Variants in SMC1B observed in about 807,000 individuals in gnomAD.
The protein encoded by SMC1B is structural maintenance of chromosomes 1B.
A neutral mutation model predicts 157.9 loss-of-function variants in SMC1B; 60 were observed. That is an observed-to-expected ratio of 0.38 (90% CI 0.31 to 0.47). SMC1B has a LOEUF of 0.47. SMC1B is among the 20% of genes least tolerant of loss of function. The pLI is 0.99. For synonymous variants in SMC1B, 445 were observed against 483.0 expected, an observed-to-expected ratio of 0.92 and a Z score of 1.03; for missense variants, 1,165 against 1,426.2, an observed-to-expected ratio of 0.82 and a Z score of 2.95.
In SMC1B at chr22:45,402,454, C is replaced by T. The variant is rs1277492928; in HGVS notation, c.733G>A (p.Val245Met). Residue 245 changes from valine (V) to methionine (M), a missense_variant, in exon 5 of 25, where the codon GTG (valine) becomes ATG (methionine). Coordinates refer to ENST00000357450, the MANE Select transcript of SMC1B (RefSeq NM_148674.5). ...CTTTTGACACTCAAATCCCTATTCA[C>T]ATGCTCTAACTTGGTGTTCAGGAGA... is the stretch of plus-strand genomic sequence containing the variant. ...IHLLNTKLEHVNRDLSVKRES... is the reference protein window; with the variant it reads ...IHLLNTKLEHMNRDLSVKRES... 6.2e-7 allele frequency: 1 copy of T among 1,613,948 alleles called. No individual in the cohort carries two copies. The highest frequency in any genetic ancestry group is 1.7e-5 in the Admixed American group (1 of 60,022).
In SMC1B at chr22:45,388,737, G is replaced by T. The variant is rs1291304346; in HGVS notation, c.1731+975C>A. Among the ~76,000 whole-genome samples, 6 of 152,166 alleles carry T rather than the reference G, an allele frequency of 3.9e-5. No individual in the cohort carries two copies. In the East Asian group the frequency reaches 1.2e-3, roughly 29 times the overall value. ...CACGCCTGTAATCCCAGCACTTTGG[G>T]AGACCGAGGCAGGCGGATCACCTGA... On this transcript the variant is annotated intron_variant, in intron 10 of 24. Coordinates refer to ENST00000357450, the MANE Select transcript of SMC1B (RefSeq NM_148674.5).
intron 2 of SMC1B, among the ~76,000 whole-genome samples, chr22:45,407,550 C>T (rs1157222115): frequency 6.6e-6 from 1 of 151,944 alleles, no homozygotes; most frequent in African/African-American, 2.4e-5. Context: ...TATCCTAGAC[C>T]TCCCGGACTC....
At chr22:45,369,000 T>G (rs980604961) in intron 15 of SMC1B, among the ~76,000 whole-genome samples, 1 of 152,244 alleles carries the variant, frequency 6.6e-6, no homozygotes, top group Non-Finnish European at 1.5e-5. Context: ...TAGATTTTTC[T>G]ATCTTGAGAT....
chr22:45,374,392 T>A (rs1013705666), intron 12 of SMC1B, among the ~76,000 whole-genome samples: 1 of 152,164 alleles, frequency 6.6e-6, no homozygotes, highest in African/African-American at 2.4e-5. Flanking sequence ...TCTTGCAACA[T>A]GTGTACAAAT....
chr22:45,380,153 T>G (rs1259074068), intron 12 of SMC1B, among the ~76,000 whole-genome samples: 1 of 152,208 alleles, frequency 6.6e-6, no homozygotes, highest in African/African-American at 2.4e-5. Flanking sequence ...GTCCTCTTCC[T>G]TTTAGCTATT....
intron 1 of SMC1B, 94 bp downstream of exon 1, chr22:45,413,365 C>A: frequency 1.0e-6 from 1 of 985,990 alleles, no homozygotes; most frequent in Non-Finnish European, 1.5e-6. Flanking sequence ...CGGCCAGGCG[C>A]CCGCGGCAGA....
rs182151761 is a variant in SMC1B, at chr22:45,372,937, T to C, written c.2059-645A>G. 8.1e-3 allele frequency among the ~76,000 whole-genome samples: 1,229 copies of C among 152,120 alleles called. 8 individuals carry two copies. Among genetic ancestry groups the C allele is most frequent in the Non-Finnish European group, 0.011 (776 of 67,992 alleles). ...ATCGTGTTAGCCAGGATCATCTCGATCTCCTGATCTTGTGATCCACCCACC... is the reference window on the plus strand; with the variant it reads ...ATCGTGTTAGCCAGGATCATCTCGACCTCCTGATCTTGTGATCCACCCACC... On this transcript the variant is annotated intron_variant, in intron 12 of 24. Coordinates refer to ENST00000357450, the MANE Select transcript of SMC1B (RefSeq NM_148674.5).
intron 18 of SMC1B, 37 bp from the exon 19 acceptor site, chr22:45,358,832 G>C (rs773040405): frequency 6.6e-7 from 1 of 1,506,100 alleles, no homozygotes; most frequent in Non-Finnish European, 9.2e-7. Flanking sequence ...TGTTGATTAA[G>C]TTTGTTGTCT....
chr22:45,365,878 G>C (rs932122573), intron 15 of SMC1B, among the ~76,000 whole-genome samples: 8 of 152,080 alleles, frequency 5.3e-5, no homozygotes, highest in African/African-American at 1.9e-4. Context: ...TTCTAATAAA[G>C]GATATAGATG....
chr22:45,354,385 A>ATGTAAGTAT (rs1188432373), intron 20 of SMC1B, among the ~76,000 whole-genome samples: 3 of 87,120 alleles, frequency 3.4e-5, no homozygotes, highest in Admixed American at 1.3e-4. Flanking sequence ...TATGTATGTA[A>ATGTAAGTAT]GTATGTATGT....
intron 12 of SMC1B, among the ~76,000 whole-genome samples, chr22:45,380,341 C>G (rs1327453933): frequency 6.6e-6 from 1 of 152,144 alleles, no homozygotes; most frequent in Non-Finnish European, 1.5e-5. Flanking sequence ...ACGTGAAACT[C>G]TGTGTGTCCT....
chr22:45,374,696 C>T (rs373943458), intron 12 of SMC1B, among the ~76,000 whole-genome samples: 2 of 152,154 alleles, frequency 1.3e-5, no homozygotes, highest in East Asian at 3.8e-4. Context: ...ACTGAAGCTA[C>T]ACAACTTAAA....
intron 1 of SMC1B, among the ~76,000 whole-genome samples, chr22:45,411,760 T>C (rs2087337701): frequency 6.6e-6 from 1 of 151,910 alleles, no homozygotes. Context: ...CTTTTTTGTA[T>C]TTTTAGTACA....
intron 12 of SMC1B, among the ~76,000 whole-genome samples, chr22:45,375,083 C>G (rs1247503162): frequency 6.6e-6 from 1 of 152,196 alleles, no homozygotes; most frequent in Non-Finnish European, 1.5e-5. Context: ...AAGCTGGGAA[C>G]TGCTTAGAGG....
intron 13 of SMC1B, 53 bp from the exon 14 acceptor site, chr22:45,371,640 G>A (rs1602064930): frequency 6.5e-7 from 1 of 1,532,642 alleles, no homozygotes; most frequent in East Asian, 2.4e-5. Flanking sequence ...GCTTTATATA[G>A]TGAAGCCAAA....
chr22:45,384,100 T>C (rs1006012958), intron 11 of SMC1B, among the ~76,000 whole-genome samples: 1 of 152,142 alleles, frequency 6.6e-6, no homozygotes, highest in African/African-American at 2.4e-5. Flanking sequence ...CAGGTGAAAA[T>C]AGTACCTCAG....
At chr22:45,401,102 G>A (rs1439274037) in intron 5 of SMC1B, among the ~76,000 whole-genome samples, 1 of 152,070 alleles carries the variant, frequency 6.6e-6, no homozygotes. Flanking sequence ...TATAAAGTAT[G>A]GACTTTAGTT....
At chr22:45,357,527 T>C (rs1029671863) in intron 19 of SMC1B, among the ~76,000 whole-genome samples, 2 of 152,198 alleles carry the variant, frequency 1.3e-5, no homozygotes. Flanking sequence ...GTTACTTTTG[T>C]TTATTGAAGG....
chr22:45,405,149 C>G (rs1237287946), intron 4 of SMC1B, among the ~76,000 whole-genome samples: 1 of 151,618 alleles, frequency 6.6e-6, no homozygotes, highest in Non-Finnish European at 1.5e-5. Flanking sequence ...TAGCAAAAGC[C>G]CCAGAATAGA....
Sources: allele counts gnomAD v4.1 joint callset (sites outside exome capture counted in the v4.1 genomes callset), GRCh38; gene constraint gnomAD v4.1.1; transcripts MANE v1.5; gene names NCBI Gene and HGNC (gene_info 2026-07-23, HGNC 2026-07-21).